The following PTPDC1 variants were observed in gnomAD, a reference collection of about 807,000 sequenced individuals.
PTPDC1 encodes protein tyrosine phosphatase domain containing 1.
In PTPDC1, 53 loss-of-function variants were observed where a neutral mutation model predicts 75.3. The observed-to-expected ratio is 0.70, with a 90% CI of 0.56 to 0.88. The LOEUF (loss-of-function observed/expected upper bound fraction) is 0.88, where lower values mean the gene tolerates loss of function less well. PTPDC1 is among the 40% of genes least tolerant of loss of function. The probability of loss-of-function intolerance (pLI) is 0.00; values close to 1 mark genes in which losing one functional copy is unlikely to be tolerated. For missense variants in PTPDC1, 925 were observed against 998.6 expected, an observed-to-expected ratio of 0.93 and a Z score of 0.99; for synonymous variants, 349 against 366.2, an observed-to-expected ratio of 0.95 and a Z score of 0.54.
At chr9:94,050,518 G>A (rs1169125982) in intron 1 of PTPDC1, among the ~76,000 whole-genome samples, 1 of 152,254 alleles carries the variant, frequency 6.6e-6, no homozygotes, top group African/African-American at 2.4e-5. Flanking sequence ...AGTGGAGGCT[G>A]CAGAACAGCG....
chr9:94,050,245 C>T (rs1169942241), intron 1 of PTPDC1, among the ~76,000 whole-genome samples: 2 of 152,136 alleles, frequency 1.3e-5, no homozygotes, highest in South Asian at 4.1e-4. Flanking sequence ...AGCTTTGTTC[C>T]GTTGCTGGTG....
At chr9:94,060,324 G>A (rs1366336898) in intron 1 of PTPDC1, among the ~76,000 whole-genome samples, 1 of 152,214 alleles carries the variant, frequency 6.6e-6, no homozygotes, top group Non-Finnish European at 1.5e-5. Flanking sequence ...CAAAGATATT[G>A]TGGAGAGTGT....
intron 4 of PTPDC1, 87 bp from the exon 5 acceptor site, chr9:94,095,230 A>G: frequency 1.0e-6 from 1 of 969,280 alleles, no homozygotes; most frequent in Non-Finnish European, 1.6e-6. Flanking sequence ...CCTCAGTCTC[A>G]GTGTAGATCT....
At chr9:94,043,341 A>T (rs1825489400) in intron 1 of PTPDC1, among the ~76,000 whole-genome samples, 1 of 152,130 alleles carries the variant, frequency 6.6e-6, no homozygotes, top group Non-Finnish European at 1.5e-5. Flanking sequence ...TCATATACTT[A>T]GTTACTATCT....
intron 4 of PTPDC1, among the ~76,000 whole-genome samples, chr9:94,093,702 A>C (rs1306011350): frequency 1.5e-4 from 22 of 145,016 alleles, no homozygotes; most frequent in African/African-American, 4.8e-4. Context: ...TCCATTCTCC[A>C]CATCACTTTC....
rs1396375526 is a variant in PTPDC1, at chr9:94,108,543, G to A, written c.*599G>A. ...TTCAAAGCATATTATTTTTCAGAGA[G>A]ATTTAGTTTTACTTTAATGGAGTGA... On this transcript the variant is annotated 3_prime_UTR_variant, in exon 9 of 9. Coordinates refer to ENST00000620992, the MANE Select transcript of PTPDC1 (RefSeq NM_001253829.2). 1 of 152,496 alleles carries A rather than the reference G, an allele frequency of 6.6e-6. No individual in the cohort carries two copies. The highest frequency in any genetic ancestry group is 6.5e-5 in the Admixed American group (1 of 15,276). The allele number at this position is 152,496 out of a possible 1,614,324, so 9.4% of individuals were successfully genotyped here.
intron 1 of PTPDC1, among the ~76,000 whole-genome samples, chr9:94,035,599 G>A (rs1219855860): frequency 6.6e-6 from 1 of 152,160 alleles, no homozygotes. Context: ...CACTTAGTTT[G>A]ATTCCGTAAC....
chr9:94,095,677 A>G (rs1438861702), intron 5 of PTPDC1, among the ~76,000 whole-genome samples: 4 of 152,224 alleles, frequency 2.6e-5, no homozygotes, highest in African/African-American at 4.8e-5. Flanking sequence ...TGTTCCCAAC[A>G]CAAATGCATG....
intron 2 of PTPDC1, among the ~76,000 whole-genome samples, chr9:94,071,535 T>G (rs1826511470): frequency 6.6e-6 from 1 of 152,256 alleles, no homozygotes; most frequent in South Asian, 2.1e-4. Flanking sequence ...ACACTTTTGC[T>G]GTCAAGTCTT....
At chr9:94,084,823 A>T in intron 1 of PTPDC1, 49 bp downstream of exon 1, 1 of 1,289,412 alleles carries the variant, frequency 7.8e-7, no homozygotes. Context: ...AAGTTTGAGG[A>T]ATGGGAATCA....
At chr9:94,044,772 A>G (rs1179599279) in intron 1 of PTPDC1, among the ~76,000 whole-genome samples, 1 of 150,556 alleles carries the variant, frequency 6.6e-6, no homozygotes, top group African/African-American at 2.4e-5. Flanking sequence ...TTTAATATGA[A>G]GTTCAGTAGA....
intron 2 of PTPDC1, among the ~76,000 whole-genome samples, chr9:94,071,424 C>T (rs1166914528): frequency 6.6e-6 from 1 of 151,884 alleles, no homozygotes; most frequent in Non-Finnish European, 1.5e-5. Context: ...TTTGCAGATA[C>T]ATTCTCCCAC....
chr9:94,103,182 T>A (rs1446223274), intron 7 of PTPDC1, among the ~76,000 whole-genome samples: 1 of 152,244 alleles, frequency 6.6e-6, no homozygotes, highest in Non-Finnish European at 1.5e-5. Flanking sequence ...AAGTGATTTT[T>A]CCTGTATCCG....
In PTPDC1 at chr9:94,084,774, G is replaced by C. The variant is rs1284005895; in HGVS notation, c.244G>C (p.Gly82Arg). Residue 82 changes from glycine to arginine, a missense_variant and splice_region_variant, in exon 1 of 9, where the codon GGA (glycine) becomes CGA (arginine). By Grantham distance (125) the Gly-to-Arg change is moderately radical. Transcript: ENST00000620992. ...AACTTTCCCCGAAAGAAAAAGTAAA[G>C]GTCTCTTTCTTCTTATAGATTGCCA... ...NPTFPERKSK[G>R]NLERPTPKYT... The C allele has an allele frequency of 6.4e-7, 1 of 1,551,660 alleles. No homozygotes were observed. Among genetic ancestry groups the C allele is most frequent in the South Asian group, 1.2e-5 (1 of 80,990 alleles).
chr9:94,038,688 T>G (rs1385735534), intron 1 of PTPDC1, among the ~76,000 whole-genome samples: 2 of 152,208 alleles, frequency 1.3e-5, no homozygotes, highest in African/African-American at 2.4e-5. Flanking sequence ...ATATAACTAG[T>G]TATGTGAATA....
chr9:94,055,681 A>C (rs1167853012), intron 1 of PTPDC1, among the ~76,000 whole-genome samples: 4 of 152,220 alleles, frequency 2.6e-5, no homozygotes, highest in Admixed American at 6.5e-5. Flanking sequence ...CAGTGGTTCC[A>C]ACATGGCACA....
In PTPDC1 at chr9:94,084,483, G is replaced by C. The variant is rs752811333; in HGVS notation, c.-48G>C. 1 of 1,599,188 alleles carries C rather than the reference G, an allele frequency of 6.3e-7. No homozygotes were observed. Among genetic ancestry groups the C allele is most frequent in the South Asian group, 1.1e-5 (1 of 90,104 alleles). ...GCTCTCAGTGAAAGTTCCTCACTGA[G>C]TGAGTGGGGCTGACTCTTCCTGCCT... On this transcript the variant is annotated 5_prime_UTR_variant, in exon 1 of 9. Coordinates refer to ENST00000620992, the MANE Select transcript of PTPDC1 (RefSeq NM_001253829.2).
At chr9:94,043,935 T>G (rs1191820958) in intron 1 of PTPDC1, among the ~76,000 whole-genome samples, 2 of 152,252 alleles carry the variant, frequency 1.3e-5, no homozygotes, top group African/African-American at 4.8e-5. Context: ...TCCATTGGAT[T>G]GTCTTTGCAC....
chr9:94,082,274 G>A (rs995993320), upstream of PTPDC1, among the ~76,000 whole-genome samples: 4 of 152,214 alleles, frequency 2.6e-5, no homozygotes, highest in African/African-American at 7.2e-5. Context: ...TTAAGAATGC[G>A]GATAGGTGGG....
Sources: allele counts gnomAD v4.1 joint callset (sites outside exome capture counted in the v4.1 genomes callset), GRCh38; gene constraint gnomAD v4.1.1; transcripts MANE v1.5; gene names NCBI Gene and HGNC (gene_info 2026-07-23, HGNC 2026-07-21).